The following DACH2 variants were observed in gnomAD, a reference collection of about 807,000 sequenced individuals.
The protein encoded by DACH2 is dachshund homolog 2.
Under a neutral mutation model 35.8 loss-of-function variants are expected in DACH2, and 17 were observed. The observed-to-expected ratio is 0.48, with a 90% CI of 0.33 to 0.71. DACH2 has a LOEUF of 0.71. Ranked by LOEUF, DACH2 falls within the 30% of genes least tolerant of loss-of-function variation. The pLI is 0.02. For missense variants in DACH2, 469 were observed against 472.7 expected (o/e 0.99, Z 0.07); for synonymous variants, 195 against 177.3 (o/e 1.10, Z -0.79).
intron 1 of DACH2, among the ~76,000 whole-genome samples, chrX:86,359,084 C>CGTGTGTGTGTGTGT (rs1556037574): frequency 1.3e-4 from 13 of 98,514 alleles, no homozygotes; most frequent in African/African-American, 4.8e-4. Context: ...TATATTTTGT[C>CGTGTGTGTGTGTGT]GTGTGTGTGT....
intron 2 of DACH2, among the ~76,000 whole-genome samples, chrX:86,390,880 A>G (rs1234122479): frequency 9.0e-6 from 1 of 110,667 alleles, no homozygotes; most frequent in African/African-American, 3.3e-5. Flanking sequence ...GTGAGCCACC[A>G]TGCCCGATTA....
intron 1 of DACH2, among the ~76,000 whole-genome samples, chrX:86,375,533 T>C (rs756020640): frequency 1.2e-3 from 128 of 106,263 alleles, no homozygotes; most frequent in Non-Finnish European, 1.7e-3. Context: ...ATATAGCCCA[T>C]TAAAATAAGG....
intron 2 of DACH2, among the ~76,000 whole-genome samples, chrX:86,455,851 T>A (rs757660559): frequency 1.7e-4 from 19 of 112,262 alleles, no homozygotes; most frequent in Non-Finnish European, 3.4e-4. Context: ...TAGGGATATC[T>A]ACAGATGGGG....
Position 86,639,991 on chromosome X carries a change from G to A in DACH2, c.641-11045G>A, listed in dbSNP as rs2040326007. ...CCTGGGATAAATCTCCCAGAGGGAG[G>A]GACAGGCTATCATCTTTGCTGTTTT... On this transcript the variant is annotated intron_variant, in intron 3 of 11. Coordinates refer to ENST00000373125, the MANE Select transcript of DACH2 (RefSeq NM_053281.3). 3.6e-5 allele frequency among the ~76,000 whole-genome samples: 4 copies of A among 111,348 alleles called. No homozygotes were observed. The South Asian group carries it at 1.5e-3, about 43-fold the overall frequency.
chrX:86,534,943 A>G (rs2038776031), intron 3 of DACH2, among the ~76,000 whole-genome samples: 1 of 111,725 alleles, frequency 9.0e-6, no homozygotes, highest in Non-Finnish European at 1.9e-5. Context: ...TCAAATTTGC[A>G]TTGATCATCA....
chrX:86,296,420 T>G (rs2148007948), intron 1 of DACH2, among the ~76,000 whole-genome samples: 1 of 107,211 alleles, frequency 9.3e-6, no homozygotes, highest in Non-Finnish European at 1.9e-5. Context: ...AGAAATATCT[T>G]AAGTTAGTTC....
intron 7 of DACH2, among the ~76,000 whole-genome samples, chrX:86,740,869 T>C (rs1311609684): frequency 9.0e-6 from 1 of 111,262 alleles, no homozygotes; most frequent in Non-Finnish European, 1.9e-5. Context: ...CTGTGTGACT[T>C]GACTTTGATT....
chrX:86,187,011 G>A (rs375867695), intron 1 of DACH2, among the ~76,000 whole-genome samples: 2 of 111,779 alleles, frequency 1.8e-5, no homozygotes, highest in South Asian at 7.4e-4. Flanking sequence ...TATTTACTTT[G>A]AGTCTTCTAG....
At chrX:86,722,161 G>C (rs1273907189) in intron 6 of DACH2, among the ~76,000 whole-genome samples, 1 of 111,710 alleles carries the variant, frequency 9.0e-6, no homozygotes, top group African/African-American at 3.3e-5. Flanking sequence ...TATGATACTG[G>C]TTGTGGGTTT....
At chrX:86,689,202 G>C (rs1460069127) in intron 4 of DACH2, among the ~76,000 whole-genome samples, 1 of 111,584 alleles carries the variant, frequency 9.0e-6, no homozygotes, top group Non-Finnish European at 1.9e-5. Flanking sequence ...TTCAGATACA[G>C]TGCATGATTG....
At chrX:86,192,029 A>G (rs1461746532) in intron 1 of DACH2, among the ~76,000 whole-genome samples, 1 of 111,871 alleles carries the variant, frequency 8.9e-6, no homozygotes, top group African/African-American at 3.2e-5. Context: ...GTTTCCCTGC[A>G]TCTACTGATT....
intron 5 of DACH2, among the ~76,000 whole-genome samples, chrX:86,698,533 T>TTTTTTTTTTTTTTTTTTTTTTTTTTTTTG (rs1569469397): frequency 1.6e-5 from 1 of 63,032 alleles, no homozygotes; most frequent in African/African-American, 6.0e-5. Flanking sequence ...TTTTTTTTTT[T>TTTTTTTTTTTTTTTTTTTTTTTTTTTTTG]TTTTTTTTTT....
At chrX:86,723,172 C>T (rs1391331510) in intron 6 of DACH2, among the ~76,000 whole-genome samples, 1 of 111,313 alleles carries the variant, frequency 9.0e-6, no homozygotes, top group Non-Finnish European at 1.9e-5. Flanking sequence ...ATTGTAATGT[C>T]TCCTTTTTAT....
chrX:86,659,122 A>G (rs1377530057), intron 4 of DACH2, among the ~76,000 whole-genome samples: 5 of 111,241 alleles, frequency 4.5e-5, no homozygotes, highest in Admixed American at 3.9e-4. Flanking sequence ...AGATGTTTCT[A>G]GGGAATCAAG....
chrX:86,356,666 C>T (rs927811386), intron 1 of DACH2, among the ~76,000 whole-genome samples: 2 of 111,326 alleles, frequency 1.8e-5, no homozygotes, highest in Non-Finnish European at 3.8e-5. Flanking sequence ...TATCCATGAG[C>T]ATGGAATCAC....
At chrX:86,161,258 C>T in intron 1 of DACH2, 1 of 1,192,777 alleles carries the variant, frequency 8.4e-7, no homozygotes, top group Non-Finnish European at 1.1e-6. Flanking sequence ...GCTCACTGGT[C>T]TGCCCATTCT....
intron 3 of DACH2, among the ~76,000 whole-genome samples, chrX:86,622,866 A>G (rs370385251): frequency 8.9e-6 from 1 of 111,790 alleles, no homozygotes; most frequent in East Asian, 2.8e-4. Context: ...CACAAGAGAC[A>G]TGACAACACA....
At chrX:86,323,361 G>T (rs1436285048) in intron 1 of DACH2, among the ~76,000 whole-genome samples, 2 of 111,945 alleles carry the variant, frequency 1.8e-5, no homozygotes, top group Non-Finnish European at 3.8e-5. Context: ...ACCCCAGGAA[G>T]TGTTATCATT....
At chrX:86,243,196 G>C (rs2033205791) in intron 1 of DACH2, among the ~76,000 whole-genome samples, 1 of 110,858 alleles carries the variant, frequency 9.0e-6, no homozygotes, top group Non-Finnish European at 1.9e-5. Flanking sequence ...AAAATGGGGA[G>C]ATAAGGATCT....
Sources: allele counts gnomAD v4.1 joint callset (sites outside exome capture counted in the v4.1 genomes callset), GRCh38; gene constraint gnomAD v4.1.1; transcripts MANE v1.5; gene names NCBI Gene and HGNC (gene_info 2026-07-23, HGNC 2026-07-21).